The following HS3ST5 variants were observed in gnomAD, a reference collection of about 807,000 sequenced individuals.
The protein encoded by HS3ST5 is heparan sulfate glucosamine 3-O-sulfotransferase 5.
In HS3ST5, 10 loss-of-function variants were observed where a neutral mutation model predicts 25.4. The observed-to-expected ratio is 0.39, with a 90% CI of 0.24 to 0.67. The LOEUF (loss-of-function observed/expected upper bound fraction) is 0.67, where lower values mean the gene tolerates loss of function less well. Ranked by LOEUF, HS3ST5 falls within the 30% of genes least tolerant of loss-of-function variation. The pLI is 0.44. For synonymous variants in HS3ST5, 170 were observed against 162.4 expected, an observed-to-expected ratio of 1.05 and a Z score of -0.36; for missense variants, 324 against 420.7, an observed-to-expected ratio of 0.77 and a Z score of 2.01.
chr6:114,277,262 CAA>C (rs1773901112), intron 1 of HS3ST5, among the ~76,000 whole-genome samples: 1 of 151,028 alleles, frequency 6.6e-6, no homozygotes, highest in African/African-American at 2.4e-5. Flanking sequence ...TTCTGTAACC[CAA>C]GAGTGGCTCT....
chr6:114,328,512 A>AAAAAGT (rs1776262598), intron 1 of HS3ST5, among the ~76,000 whole-genome samples: 1 of 152,194 alleles, frequency 6.6e-6, no homozygotes, highest in Admixed American at 6.5e-5. Context: ...AAAGAAAAAG[A>AAAAAGT]AAAACACTTT....
chr6:114,201,733 AAGGTAATTTATAAAGGAAAG>A (rs920888667), intron 2 of HS3ST5, among the ~76,000 whole-genome samples: 8 of 152,152 alleles, frequency 5.3e-5, no homozygotes, highest in East Asian at 1.9e-4. Context: ...TTTATTTATA[AAGGTAATTTATAAAGGAAAG>A]AGGTAATTTA....
At chr6:114,197,262 T>C (rs982752732) in intron 2 of HS3ST5, among the ~76,000 whole-genome samples, 4 of 152,108 alleles carry the variant, frequency 2.6e-5, no homozygotes, top group African/African-American at 7.2e-5. Context: ...TTCTGTATTA[T>C]TGATATTTGT....
intron 1 of HS3ST5, among the ~76,000 whole-genome samples, chr6:114,304,166 T>A (rs570769408): frequency 1.3e-5 from 2 of 152,126 alleles, no homozygotes; most frequent in Non-Finnish European, 2.9e-5. Context: ...AAGAACTACA[T>A]CAACACCTGC....
chr6:114,174,364 C>G (rs1779616913), intron 2 of HS3ST5, among the ~76,000 whole-genome samples: 1 of 152,036 alleles, frequency 6.6e-6, no homozygotes, highest in African/African-American at 2.4e-5. Context: ...CCTGTACCCC[C>G]ACCAGAGTGT....
At chr6:114,089,193 G>A (rs1320340066) in intron 3 of HS3ST5, among the ~76,000 whole-genome samples, 1 of 152,232 alleles carries the variant, frequency 6.6e-6, no homozygotes, top group Non-Finnish European at 1.5e-5. Context: ...AAGGACAGTT[G>A]GGAAGCAATG....
chr6:114,197,712 T>C (rs1358205314), intron 2 of HS3ST5, among the ~76,000 whole-genome samples: 1 of 152,156 alleles, frequency 6.6e-6, no homozygotes, highest in African/African-American at 2.4e-5. Flanking sequence ...CTTCCACTTA[T>C]AAATGAGAAT....
intron 1 of HS3ST5, among the ~76,000 whole-genome samples, chr6:114,299,236 G>C (rs1410410345): frequency 6.6e-6 from 1 of 152,154 alleles, no homozygotes; most frequent in Non-Finnish European, 1.5e-5. Context: ...CTCCCATAGT[G>C]TTCCCAGGCT....
chr6:114,249,383 G>C (rs1772536382), intron 1 of HS3ST5, among the ~76,000 whole-genome samples: 5 of 152,204 alleles, frequency 3.3e-5, no homozygotes, highest in Admixed American at 3.3e-4. Flanking sequence ...AATAACTTGT[G>C]TGAATGGCAA....
intron 2 of HS3ST5, among the ~76,000 whole-genome samples, chr6:114,176,106 A>G (rs781271759): frequency 6.6e-6 from 1 of 152,248 alleles, no homozygotes; most frequent in Non-Finnish European, 1.5e-5. Flanking sequence ...GTCTCCATCA[A>G]TAAATAAATT....
At chr6:114,181,978 C>T (rs545888581) in intron 2 of HS3ST5, among the ~76,000 whole-genome samples, 16 of 151,868 alleles carry the variant, frequency 1.1e-4, no homozygotes, top group African/African-American at 3.6e-4. Flanking sequence ...TTATATGTTT[C>T]CTTAGCTTTA....
At position 114,302,701 on chromosome 6, in the gene HS3ST5, T is replaced by A. The variant is rs576344319; in HGVS notation, c.-339+39494A>T. ...CAAAGGACTGTCTTTCTACTCTCCT[T>A]TCTCGTCTTCATTCCTATAGCATCC... On this transcript the variant is annotated intron_variant, in intron 1 of 4. Transcript: ENST00000312719. Among the ~76,000 whole-genome samples the A allele has an allele frequency of 6.1e-4, 93 of 152,346 alleles. 1 individual carries two copies. Among genetic ancestry groups the A allele is most frequent in the African/African-American group, 2.2e-3 (90 of 41,578 alleles).
intron 2 of HS3ST5, among the ~76,000 whole-genome samples, chr6:114,185,114 G>C (rs1780154470): frequency 6.6e-6 from 1 of 152,160 alleles, no homozygotes; most frequent in Non-Finnish European, 1.5e-5. Context: ...AAAGTTAAGA[G>C]TTCTGGGGCT....
intron 2 of HS3ST5, among the ~76,000 whole-genome samples, chr6:114,181,605 C>T (rs1398025663): frequency 2.6e-5 from 4 of 152,172 alleles, no homozygotes; most frequent in South Asian, 2.1e-4. Flanking sequence ...GTTACATGCT[C>T]TTGTTAGTAA....
chr6:114,253,182 G>C (rs954265172), intron 1 of HS3ST5, among the ~76,000 whole-genome samples: 20 of 152,144 alleles, frequency 1.3e-4, no homozygotes, highest in African/African-American at 3.9e-4. Context: ...GCAAGACAAT[G>C]AGACCCTATC....
At chr6:114,286,845 G>GA (rs1774363035) in intron 1 of HS3ST5, among the ~76,000 whole-genome samples, 1 of 151,724 alleles carries the variant, frequency 6.6e-6, no homozygotes, top group African/African-American at 2.4e-5. Context: ...AATATTTTAA[G>GA]AAAAAAACAA....
intron 4 of HS3ST5, 65 bp from the exon 5 acceptor site, chr6:114,058,255 G>T: frequency 1.6e-6 from 2 of 1,246,874 alleles, no homozygotes; most frequent in Non-Finnish European, 2.2e-6. Flanking sequence ...TGGTTCCCCA[G>T]TCAGACCAAG....
At chr6:114,073,139 TAACTC>T (rs1203340448) in intron 3 of HS3ST5, among the ~76,000 whole-genome samples, 1 of 152,048 alleles carries the variant, frequency 6.6e-6, no homozygotes, top group Non-Finnish European at 1.5e-5. Context: ...ATACAAAAAT[TAACTC>T]AAGATGGAAA....
intron 1 of HS3ST5, among the ~76,000 whole-genome samples, chr6:114,267,589 A>G (rs1478537538): frequency 1.3e-5 from 2 of 151,920 alleles, no homozygotes; most frequent in African/African-American, 2.4e-5. Flanking sequence ...TAGCGTCTAG[A>G]GTTGGAGTAC....
Sources: allele counts gnomAD v4.1 joint callset (sites outside exome capture counted in the v4.1 genomes callset), GRCh38; gene constraint gnomAD v4.1.1; transcripts MANE v1.5; gene names NCBI Gene and HGNC (gene_info 2026-07-23, HGNC 2026-07-21).